The following PRDM15 variants were observed in gnomAD, a reference collection of about 807,000 sequenced individuals.
PRDM15 encodes PR/SET domain 15, also known as PR domain zinc finger protein 15.
In PRDM15, 64 loss-of-function variants were observed where a neutral mutation model predicts 128.6. The ratio of observed to expected loss-of-function variants is 0.50; its 90% CI spans 0.41 to 0.61. PRDM15 has a LOEUF of 0.61. PRDM15 is among the 20% of genes least tolerant of loss of function. PRDM15 has a pLI of 0.00. For missense variants in PRDM15, 1,242 were observed against 1,569.1 expected (o/e 0.79, Z 3.52); for synonymous variants, 615 against 621.8 (o/e 0.99, Z 0.16).
intron 13 of PRDM15, among the ~76,000 whole-genome samples, chr21:41,824,018 G>C (rs2146425170): frequency 1.3e-5 from 2 of 152,352 alleles, no homozygotes; most frequent in Admixed American, 1.3e-4. Context: ...TGGCCCCACT[G>C]GCACAGAGCA....
In PRDM15 at chr21:41,828,021, C is replaced by A. The variant is rs1461391773; in HGVS notation, c.1534+145G>T. 5.4e-6 allele frequency: 4 copies of A among 741,396 alleles called. No homozygotes were observed. Among genetic ancestry groups the A allele is most frequent in the Non-Finnish European group, 6.7e-6 (3 of 447,818 alleles). 45.9% of individuals were successfully genotyped at this position (741,396 alleles called of 1,614,324 possible). Reference sequence around the variant, plus strand: ...GACAGGTTCTCAGAAGAGGATGAGCCCATCGGATGGCGGGCGTTTCCAGGC... The same window carrying A: ...GACAGGTTCTCAGAAGAGGATGAGCACATCGGATGGCGGGCGTTTCCAGGC... On this transcript the variant is annotated intron_variant, in intron 12 of 23. Coordinates refer to ENST00000398548, the MANE Select transcript of PRDM15 (RefSeq NM_001040424.3). This position sits in a 1 kb window ranked among gnomAD's most constrained non-coding sequence, Gnocchi z 5.7.
rs747715921 is a variant in PRDM15 at position 41,821,074 on chromosome 21, C to T, written c.2053G>A (p.Val685Met). Residue 685 changes from valine (V) to methionine (M), a missense_variant, in exon 16 of 24, where the codon GTG (valine) becomes ATG (methionine). Physicochemically the swap from Val to Met is conservative, Grantham distance 21 (BLOSUM62 1). Coordinates refer to ENST00000398548, the MANE Select transcript of PRDM15 (RefSeq NM_001040424.3). This position sits in a 1 kb window ranked among gnomAD's most constrained non-coding sequence, Gnocchi z 5.4. ...CCCCCGACCAGGCCTCACTTCTGCA[C>T]GTTGGGGTCCGGCAGGTTTTCACGG... ...IHRENLPDPN[V>M]QKYIHPCEIC... 8 of 1,614,214 alleles carry T rather than the reference C, an allele frequency of 5.0e-6. No individual in the cohort carries two copies. The highest frequency in any genetic ancestry group is 1.3e-5 in the African/African-American group (1 of 75,056).
At position 41,800,052 on chromosome 21, in the gene PRDM15, C is replaced by T. The variant is rs1436884415; in HGVS notation, c.*1188G>A. The T allele has an allele frequency of 6.6e-6, 1 of 152,246 alleles. No homozygotes were observed. The highest frequency in any genetic ancestry group is 2.4e-5 in the African/African-American group (1 of 41,472). The allele number at this position is 152,246 out of a possible 1,614,324, so 9.4% of individuals were successfully genotyped here. ...TTAATGCTTCTATTAGTGAACTAAC[C>T]TCTCTGCTTTCATTACCACCTGGCA... On this transcript the variant is annotated 3_prime_UTR_variant, in exon 24 of 24. Transcript: ENST00000398548.
In PRDM15 at chr21:41,841,021, A is replaced by C. The variant is rs549247433; in HGVS notation, c.641-1168T>G. 2.6e-5 allele frequency among the ~76,000 whole-genome samples: 4 copies of C among 152,308 alleles called. No individual in the cohort carries two copies. The South Asian group carries it at 8.3e-4, about 32-fold the overall frequency. Reference sequence around the variant, plus strand: ...AGCTAGAAAAATATGAGCAGGAGCTAAGAAGACATGAAGTGTAATATAACA... The same window carrying C: ...AGCTAGAAAAATATGAGCAGGAGCTCAGAAGACATGAAGTGTAATATAACA... On this transcript the variant is annotated intron_variant, in intron 6 of 23. Coordinates refer to ENST00000398548, the MANE Select transcript of PRDM15 (RefSeq NM_001040424.3).
chr21:41,867,236 G>T, intron 1 of PRDM15: 1 of 1,263,526 alleles, frequency 7.9e-7, no homozygotes, highest in South Asian at 1.3e-5. Flanking sequence ...CTGCTGCGCC[G>T]GTAGTCAAAC....
At chr21:41,814,007 T>G (rs1320217967) in intron 19 of PRDM15, 1 of 151,648 alleles carries the variant, frequency 6.6e-6, no homozygotes, top group African/African-American at 2.5e-5. Context: ...TTGCGCAGGG[T>G]GCTCTAGTGT....
At chr21:41,805,951 C>T (rs114843414) in intron 21 of PRDM15, among the ~76,000 whole-genome samples, 8,823 of 141,056 alleles carry the variant, frequency 0.063, 341 homozygotes, top group Middle Eastern at 0.1. Flanking sequence ...ACTACCACCA[C>T]GTGGCATCAC....
chr21:41,851,873 G>C (rs1236051245), intron 5 of PRDM15, among the ~76,000 whole-genome samples: 1 of 152,216 alleles, frequency 6.6e-6, no homozygotes, highest in African/African-American at 2.4e-5. Flanking sequence ...TGAAATCTAA[G>C]AGTAACTAAG....
At chr21:41,815,445 A>G (rs1037398160) in intron 19 of PRDM15, among the ~76,000 whole-genome samples, 30 of 152,342 alleles carry the variant, frequency 2.0e-4, no homozygotes, top group African/African-American at 7.0e-4. Context: ...CGGGAGGAAC[A>G]TTTAAAGACT....
In PRDM15 at chr21:41,801,148, G is replaced by A; in HGVS notation, c.*92C>T. ...AAGTCAACCTTACATTGCAATGTATGACTTTTTGTTTGTTTGGTATCCAGC... is the reference window on the plus strand; with the variant it reads ...AAGTCAACCTTACATTGCAATGTATAACTTTTTGTTTGTTTGGTATCCAGC... On this transcript the variant is annotated 3_prime_UTR_variant, in exon 24 of 24. Transcript: ENST00000398548. 4 of 1,476,726 alleles carry A rather than the reference G, an allele frequency of 2.7e-6. No homozygotes were observed. The highest frequency in any genetic ancestry group is 3.6e-6 in the Non-Finnish European group (4 of 1,116,064). The allele number at this position is 1,476,726 out of a possible 1,614,324, so 91.5% of individuals were successfully genotyped here.
At chr21:41,873,780 T>G (rs1007710432) in intron 1 of PRDM15, among the ~76,000 whole-genome samples, 1 of 152,142 alleles carries the variant, frequency 6.6e-6, no homozygotes, top group African/African-American at 2.4e-5. Flanking sequence ...CACGGTGGCT[T>G]ATACCTGTCA....
intron 9 of PRDM15, 85 bp from the exon 10 acceptor site, chr21:41,836,292 G>C: frequency 7.3e-7 from 1 of 1,364,484 alleles, no homozygotes; most frequent in Non-Finnish European, 1.0e-6. Flanking sequence ...TGCCCCACAA[G>C]CCGCCTCGCT....
intron 22 of PRDM15, among the ~76,000 whole-genome samples, chr21:41,803,319 C>T (rs1401009602): frequency 6.6e-6 from 1 of 152,170 alleles, no homozygotes; most frequent in African/African-American, 2.4e-5. Context: ...ACGAATCCAC[C>T]ATAAAAAACA....
chr21:41,817,524 A>G (rs965459284), intron 18 of PRDM15, among the ~76,000 whole-genome samples: 1 of 152,212 alleles, frequency 6.6e-6, no homozygotes, highest in East Asian at 1.9e-4. Context: ...AAAAAAATGT[A>G]AAGTAATAAT....
chr21:41,866,534 G>A (rs1231187518), intron 1 of PRDM15, among the ~76,000 whole-genome samples: 1 of 152,220 alleles, frequency 6.6e-6, no homozygotes, highest in East Asian at 1.9e-4. Flanking sequence ...CTAAGCCTGT[G>A]TATGGGGTTC....
In PRDM15 at chr21:41,879,263, G is replaced by C; in HGVS notation, c.-10+7C>G. The C allele has an allele frequency of 9.8e-7, 1 of 1,019,684 alleles. No individual in the cohort carries two copies. Among genetic ancestry groups the C allele is most frequent in the Non-Finnish European group, 1.2e-6 (1 of 840,932 alleles). The allele number at this position is 1,019,684 out of a possible 1,614,324, so 63.2% of individuals were successfully genotyped here. On this transcript the variant is annotated splice_region_variant and intron_variant, in intron 1 of 23. Coordinates refer to ENST00000398548, the MANE Select transcript of PRDM15 (RefSeq NM_001040424.3). This position sits in a 1 kb window ranked among gnomAD's most constrained non-coding sequence, Gnocchi z 5.1. ...GCGGGCGGCGGGCGCAGGGCCCGGAGCTTTACCTGCCTTTGGAATGTGCAG... is the reference window on the plus strand; with the variant it reads ...GCGGGCGGCGGGCGCAGGGCCCGGACCTTTACCTGCCTTTGGAATGTGCAG...
At chr21:41,860,502 A>G in intron 1 of PRDM15, 130 bp from the exon 2 acceptor site, 1 of 675,056 alleles carries the variant, frequency 1.5e-6, no homozygotes, top group East Asian at 2.9e-5. Flanking sequence ...GGCTCACTGC[A>G]ACCTCTGCCT....
intron 18 of PRDM15, among the ~76,000 whole-genome samples, chr21:41,818,074 T>C (rs1366766864): frequency 1.3e-5 from 2 of 152,126 alleles, no homozygotes; most frequent in African/African-American, 4.8e-5. Context: ...CCCCCACCCC[T>C]GCCCCTCCTG....
intron 1 of PRDM15, among the ~76,000 whole-genome samples, chr21:41,866,355 C>A (rs2064007905): frequency 6.6e-6 from 1 of 152,228 alleles, no homozygotes; most frequent in African/African-American, 2.4e-5. Context: ...TCGATATTTA[C>A]AAAGCACCTA....
Sources: allele counts gnomAD v4.1 joint callset (sites outside exome capture counted in the v4.1 genomes callset), GRCh38; gene constraint gnomAD v4.1.1; non-coding constraint Gnocchi (gnomAD v3.1); transcripts MANE v1.5; gene names NCBI Gene and HGNC (gene_info 2026-07-23, HGNC 2026-07-21).